The following NGEF variants were observed in gnomAD, a reference collection of about 807,000 sequenced individuals.
The protein encoded by NGEF is neuronal guanine nucleotide exchange factor, also known as ephexin-1.
NGEF carries 31 observed loss-of-function variants against 80.9 expected under a neutral mutation model. That is an observed-to-expected ratio of 0.38 (90% confidence interval 0.29 to 0.52). The LOEUF (loss-of-function observed/expected upper bound fraction) is 0.52, where lower values mean the gene tolerates loss of function less well. Ranked by LOEUF, NGEF falls within the 20% of genes least tolerant of loss-of-function variation. NGEF has a pLI of 0.84. For missense variants in NGEF, 709 were observed against 926.2 expected, an observed-to-expected ratio of 0.77 and a Z score of 3.04; for synonymous variants, 371 against 370.2, an observed-to-expected ratio of 1.00 and a Z score of -0.03.
Position 232,878,745 on chromosome 2 carries a change from A to G in NGEF, c.*744T>C, listed in dbSNP as rs1203149502. ...TTCTTTTAATGCAGCCAAAAGTGATATTTGCTTTTCTCAGAACCATAATCG... is the reference window on the plus strand; with the variant it reads ...TTCTTTTAATGCAGCCAAAAGTGATGTTTGCTTTTCTCAGAACCATAATCG... On this transcript the variant is annotated 3_prime_UTR_variant, in exon 15 of 15. Transcript: ENST00000264051. The G allele has an allele frequency of 6.6e-6, 1 of 152,520 alleles. No homozygotes were observed. Among genetic ancestry groups the G allele is most frequent in the Non-Finnish European group, 1.5e-5 (1 of 67,988 alleles). The allele number at this position is 152,520 out of a possible 1,614,324, so 9.4% of individuals were successfully genotyped here.
At chr2:232,907,188 G>GAAAAAAAAAAAAAAAAAAA (rs10654316) in intron 5 of NGEF, among the ~76,000 whole-genome samples, 1 of 113,160 alleles carries the variant, frequency 8.8e-6, no homozygotes, top group Non-Finnish European at 1.7e-5. Context: ...AGAAAAAAAA[G>GAAAAAAAAAAAAAAAAAAA]AAAAAAAAAA....
intron 5 of NGEF, among the ~76,000 whole-genome samples, chr2:232,904,685 T>C (rs1003585982): frequency 6.6e-6 from 1 of 152,212 alleles, no homozygotes; most frequent in Admixed American, 6.5e-5. Flanking sequence ...GGCTCACACC[T>C]ATAATCCCAG....
intron 3 of NGEF, among the ~76,000 whole-genome samples, chr2:232,938,919 G>A (rs950986301): frequency 7.9e-5 from 12 of 151,952 alleles, no homozygotes; most frequent in Non-Finnish European, 8.8e-5. Flanking sequence ...GGTGGCTCAT[G>A]CCTGTAATCC....
intron 1 of NGEF, among the ~76,000 whole-genome samples, chr2:232,991,311 CTT>C (rs1354618584): frequency 1.3e-5 from 2 of 151,050 alleles, no homozygotes; most frequent in Non-Finnish European, 3.0e-5. Flanking sequence ...ATAACATAAT[CTT>C]GTATATAGAA....
At chr2:232,894,182 G>A (rs1401678854) in intron 6 of NGEF, among the ~76,000 whole-genome samples, 1 of 152,186 alleles carries the variant, frequency 6.6e-6, no homozygotes, top group African/African-American at 2.4e-5. Flanking sequence ...AGGATTCAAT[G>A]GGCAGATGTC....
chr2:232,942,326 C>G (rs1479129921), intron 3 of NGEF, among the ~76,000 whole-genome samples: 3 of 152,206 alleles, frequency 2.0e-5, no homozygotes, highest in Non-Finnish European at 4.4e-5. Flanking sequence ...GCCTGCCCCA[C>G]TTGTCGCTGT....
At chr2:232,888,000 T>G in intron 9 of NGEF, 33 bp downstream of exon 9, 1 of 1,565,804 alleles carries the variant, frequency 6.4e-7, no homozygotes, top group Non-Finnish European at 8.8e-7. Context: ...AAACAGTGCA[T>G]TGGGATACAG....
At chr2:232,963,566 C>T (rs1693995479) in intron 3 of NGEF, among the ~76,000 whole-genome samples, 2 of 151,988 alleles carry the variant, frequency 1.3e-5, no homozygotes, top group African/African-American at 4.8e-5. Context: ...GTAATCCCAG[C>T]CCTTTGGGAG....
At chr2:232,980,353 GGGCAT>G (rs1694387732) in intron 1 of NGEF, among the ~76,000 whole-genome samples, 1 of 152,166 alleles carries the variant, frequency 6.6e-6, no homozygotes, top group South Asian at 2.1e-4. Context: ...GGAAGGCACA[GGGCAT>G]GTGGGGAGGA....
intron 5 of NGEF, among the ~76,000 whole-genome samples, chr2:232,918,520 ACT>A (rs1488434765): frequency 6.6e-6 from 1 of 151,748 alleles, no homozygotes; most frequent in Non-Finnish European, 1.5e-5. Context: ...ATGCTTCTTC[ACT>A]GTTTGCTCTC....
chr2:232,970,964 G>A (rs1191603220), intron 2 of NGEF, among the ~76,000 whole-genome samples: 11 of 152,176 alleles, frequency 7.2e-5, no homozygotes, highest in Admixed American at 7.2e-4. Flanking sequence ...TATTTCTACT[G>A]GTCAAAAATC....
rs1162061874 is a variant in NGEF, at chr2:232,974,883, G to T, written c.8C>A (p.Thr3Asn). ...CTTTTCCAAATCTTCAGATTCCCTG[G>T]TCTCCATGGAAATAGAGCCAGATGT... ME[T>N]RESEDLEKTR... is the part of the protein sequence containing the mutation. Residue 3 changes from threonine to asparagine, a missense_variant, in exon 2 of 15, where the codon ACC becomes AAC. Thr to Asn is a moderately conservative substitution (Grantham distance 65). Coordinates refer to ENST00000264051, the MANE Select transcript of NGEF (RefSeq NM_019850.3). The T allele has an allele frequency of 6.2e-7, 1 of 1,613,104 alleles. No homozygotes were observed. The highest frequency in any genetic ancestry group is 8.5e-7 in the Non-Finnish European group (1 of 1,179,822).
At chr2:232,936,013 G>A (rs567766161) in intron 3 of NGEF, among the ~76,000 whole-genome samples, 9 of 152,226 alleles carry the variant, frequency 5.9e-5, no homozygotes, top group African/African-American at 1.2e-4. Context: ...ACCAGCAGTC[G>A]AACCACAGAA....
rs200075425 is a variant in NGEF at position 232,897,793 on chromosome 2, C to T, written c.829-2877G>A. Among the ~76,000 whole-genome samples the T allele has an allele frequency of 2.7e-3, 389 of 144,704 alleles. No homozygotes were observed. The East Asian group carries it at 0.029, about 11-fold the overall frequency. The allele number at this position is 144,704 out of a possible 152,430, so 94.9% of individuals were successfully genotyped here. ...CCTCTCCGTGGCCATCCCCACGTCG[C>T]ATCTGCCTCATCTACCTAAAAAGCA... is the stretch of plus-strand genomic sequence containing the variant. On this transcript the variant is annotated intron_variant, in intron 5 of 14. Transcript: ENST00000264051.
intron 1 of NGEF, among the ~76,000 whole-genome samples, chr2:232,978,107 G>A (rs143691418): frequency 1.6e-4 from 25 of 152,230 alleles, no homozygotes; most frequent in Admixed American, 3.9e-4. Flanking sequence ...GGCATCTTCC[G>A]GCTCTGACAA....
intron 14 of NGEF, among the ~76,000 whole-genome samples, chr2:232,879,947 C>T (rs1691437292): frequency 6.6e-6 from 1 of 152,066 alleles, no homozygotes; most frequent in African/African-American, 2.4e-5. Context: ...ACTCTGGGAC[C>T]CTCAGCAATT....
intron 3 of NGEF, among the ~76,000 whole-genome samples, chr2:232,964,546 T>C (rs754859420): frequency 2.6e-5 from 4 of 152,056 alleles, no homozygotes; most frequent in African/African-American, 7.2e-5. Context: ...ATACAAAAAT[T>C]AGCTGGGTGT....
At chr2:232,944,726 A>AATATATATATATATATACATATATATAT in intron 3 of NGEF, among the ~76,000 whole-genome samples, 2 of 108,750 alleles carry the variant, frequency 1.8e-5, no homozygotes, top group East Asian at 5.7e-4. Flanking sequence ...GACTTTTCCG[A>AATATATATATATATATACATATATATAT]ATATATATAT....
At position 232,946,845 on chromosome 2, in the gene NGEF, C is replaced by A. The variant is rs573811585; in HGVS notation, c.384-19659G>T. Among the ~76,000 whole-genome samples the A allele has an allele frequency of 6.0e-4, 91 of 152,222 alleles. 1 individual carries two copies. Among genetic ancestry groups the A allele is most frequent in the African/African-American group, 2.0e-3 (83 of 41,532 alleles). ...AGTTTGAGCCTCAGAAGGAATATGACAATCATGGATTAAAACACATTGAAT... is the reference window on the plus strand; with the variant it reads ...AGTTTGAGCCTCAGAAGGAATATGAAAATCATGGATTAAAACACATTGAAT... On this transcript the variant is annotated intron_variant, in intron 3 of 14. Transcript: ENST00000264051.
Sources: gnomAD v4.1 joint callset for allele counts (sites outside exome capture counted in the v4.1 genomes callset) on GRCh38, gnomAD v4.1.1 for gene constraint, MANE v1.5 for transcripts, NCBI Gene and HGNC (gene_info 2026-07-23, HGNC 2026-07-21) for gene names.